PDSS2: variants seen among roughly 807,000 people sequenced by gnomAD.
PDSS2 encodes all trans-polyprenyl-diphosphate synthase PDSS2.
Under a neutral mutation model 44.5 loss-of-function variants are expected in PDSS2, and 31 were observed. The observed-to-expected ratio is 0.70, with a 90% confidence interval of 0.52 to 0.94. PDSS2 has a LOEUF of 0.94. PDSS2 is among the 40% of genes least tolerant of loss of function. The pLI, the probability that PDSS2 is intolerant of heterozygous loss-of-function variation, is 0.00. For missense variants in PDSS2, 452 were observed against 482.2 expected (o/e 0.94, Z 0.59); for synonymous variants, 157 against 180.3 (o/e 0.87, Z 1.03).
chr6:107,382,426 G>A (rs896395598), intron 1 of PDSS2, among the ~76,000 whole-genome samples: 2 of 152,058 alleles, frequency 1.3e-5, no homozygotes, highest in Non-Finnish European at 2.9e-5. Context: ...GTAAAAGCAG[G>A]AATCTTTTAC....
chr6:107,435,281 AACACACACAC>A (rs57353175), intron 1 of PDSS2, among the ~76,000 whole-genome samples: 23,837 of 133,620 alleles, frequency 0.18, 2,174 homozygotes, highest in East Asian at 0.27. Flanking sequence ...ACTGCCTCAA[AACACACACAC>A]ACACACACAC....
intron 7 of PDSS2, among the ~76,000 whole-genome samples, chr6:107,161,021 A>AT: frequency 6.6e-6 from 1 of 152,126 alleles, no homozygotes; most frequent in Admixed American, 6.6e-5. Context: ...TACAGGTGTG[A>AT]GCCACTGCGC....
chr6:107,157,165 T>C (rs967973370), intron 7 of PDSS2, among the ~76,000 whole-genome samples: 4 of 152,010 alleles, frequency 2.6e-5, no homozygotes, highest in African/African-American at 9.7e-5. Context: ...GCCTCACTTT[T>C]CCCCCCTTTT....
At chr6:107,386,149 C>T (rs930906887) in intron 1 of PDSS2, among the ~76,000 whole-genome samples, 1 of 151,964 alleles carries the variant, frequency 6.6e-6, no homozygotes, top group African/African-American at 2.4e-5. Flanking sequence ...TTTAAAGAAA[C>T]TAAGATTGTA....
At chr6:107,181,513 A>G (rs1272674727) in intron 7 of PDSS2, among the ~76,000 whole-genome samples, 1 of 146,300 alleles carries the variant, frequency 6.8e-6, no homozygotes, top group Non-Finnish European at 1.5e-5. Context: ...AGCCTTGGTG[A>G]CAAGAGTGAA....
rs549855600 is a variant in PDSS2 at position 107,211,591 on chromosome 6, G to A, written c.876+518C>T. Among the ~76,000 whole-genome samples, 12 of 152,030 alleles carry A rather than the reference G, an allele frequency of 7.9e-5. 1 individual carries two copies. The highest frequency in any genetic ancestry group is 3.9e-4 in the East Asian group (2 of 5,174). Reference sequence around the variant, plus strand: ...CTAAAAATACAAAAATTAGCCAGGCGTGGTGGCATGTGCCTGTAATCCCAG... The same window carrying A: ...CTAAAAATACAAAAATTAGCCAGGCATGGTGGCATGTGCCTGTAATCCCAG... On this transcript the variant is annotated intron_variant, in intron 5 of 7. Transcript: ENST00000369037.
At chr6:107,341,739 A>C (rs148609385) in intron 1 of PDSS2, among the ~76,000 whole-genome samples, 7 of 152,338 alleles carry the variant, frequency 4.6e-5, no homozygotes, top group African/African-American at 1.2e-4. Flanking sequence ...AACCAGGGCC[A>C]GTAGTTGTAA....
At chr6:107,159,564 G>A (rs1220741981) in intron 7 of PDSS2, among the ~76,000 whole-genome samples, 4 of 151,564 alleles carry the variant, frequency 2.6e-5, no homozygotes, top group African/African-American at 7.3e-5. Flanking sequence ...CTACAGGCAC[G>A]TGCCACCATG....
intron 3 of PDSS2, among the ~76,000 whole-genome samples, chr6:107,258,057 T>C (rs1437640166): frequency 6.6e-6 from 1 of 152,254 alleles, no homozygotes; most frequent in Non-Finnish European, 1.5e-5. Flanking sequence ...ATTATCACTT[T>C]GCTCAATCAA....
At chr6:107,393,626 A>G (rs1291647526) in intron 1 of PDSS2, among the ~76,000 whole-genome samples, 1 of 152,100 alleles carries the variant, frequency 6.6e-6, no homozygotes, top group Non-Finnish European at 1.5e-5. Flanking sequence ...ATAACTATGG[A>G]TTTGTCTATT....
rs147126157 is a variant in PDSS2 at position 107,236,771 on chromosome 6, T to C, written c.702+8777A>G. On this transcript the variant is annotated intron_variant, in intron 4 of 7. Coordinates refer to ENST00000369037, the MANE Select transcript of PDSS2 (RefSeq NM_020381.4). ...TCCATCTCAAATGTAACATTCTTTT[T>C]GATGCCTTTTCTGATTTCCCCAACT... Among the ~76,000 whole-genome samples, 589 of 152,302 alleles carry C rather than the reference T, an allele frequency of 3.9e-3. 2 individuals carry two copies. Among genetic ancestry groups the C allele is most frequent in the Non-Finnish European group, 5.6e-3 (382 of 68,018 alleles).
At chr6:107,401,469 C>T (rs1383446754) in intron 1 of PDSS2, among the ~76,000 whole-genome samples, 1 of 152,092 alleles carries the variant, frequency 6.6e-6, no homozygotes, top group Admixed American at 6.5e-5. Context: ...GCGACTGTTA[C>T]CCCAGATGTG....
chr6:107,444,179 C>T (rs1255489459), intron 1 of PDSS2, among the ~76,000 whole-genome samples: 1 of 152,114 alleles, frequency 6.6e-6, no homozygotes, highest in Non-Finnish European at 1.5e-5. Flanking sequence ...AGGCACACAC[C>T]ACCACACCCA....
intron 2 of PDSS2, among the ~76,000 whole-genome samples, chr6:107,278,212 T>C (rs754934657): frequency 3.3e-5 from 5 of 152,028 alleles, no homozygotes; most frequent in African/African-American, 4.8e-5. Flanking sequence ...GATTACAAAT[T>C]TGGGGAGTAG....
chr6:107,414,394 G>A lies in PDSS2; in HGVS notation c.296+44596C>T, dbSNP rs559694983. Among the ~76,000 whole-genome samples the A allele has an allele frequency of 2.6e-5, 4 of 152,322 alleles. No individual in the cohort carries two copies. In the South Asian group the frequency reaches 8.3e-4, roughly 32 times the overall value. ...AAGGAAATATCAGAAACCAGACTAG[G>A]AAGTAACAGCTAGAGAGCCAAGGGA... On this transcript the variant is annotated intron_variant, in intron 1 of 7. Coordinates refer to ENST00000369037, the MANE Select transcript of PDSS2 (RefSeq NM_020381.4).
intron 1 of PDSS2, among the ~76,000 whole-genome samples, chr6:107,388,735 G>A: frequency 6.6e-6 from 1 of 152,206 alleles, no homozygotes. Flanking sequence ...TGGGATTACA[G>A]GCGTGAGCCA....
Position 107,259,148 on chromosome 6 carries a change from C to G in PDSS2, c.631-13529G>C, listed in dbSNP as rs112733657. Among the ~76,000 whole-genome samples, 997 of 152,142 alleles carry G rather than the reference C, an allele frequency of 6.6e-3. 17 individuals are homozygous for G. Among genetic ancestry groups the G allele is most frequent in the African/African-American group, 0.023 (963 of 41,500 alleles). On this transcript the variant is annotated intron_variant, in intron 3 of 7. Transcript: ENST00000369037. ...CAGTGCCTACCGTATAGTAAGCCCT[C>G]AAAAATATAAATTGTTATTTCTAAA...
intron 4 of PDSS2, among the ~76,000 whole-genome samples, chr6:107,234,935 A>T (rs919598056): frequency 6.6e-6 from 1 of 152,202 alleles, no homozygotes; most frequent in Non-Finnish European, 1.5e-5. Context: ...GCCAAGATGG[A>T]GCAAAAGAGG....
At chr6:107,185,328 T>C (rs1490959749) in intron 7 of PDSS2, among the ~76,000 whole-genome samples, 1 of 152,142 alleles carries the variant, frequency 6.6e-6, no homozygotes, top group Non-Finnish European at 1.5e-5. Context: ...GGCTCTACAA[T>C]GCTGAACAGT....
Sources: allele counts gnomAD v4.1 joint callset (sites outside exome capture counted in the v4.1 genomes callset), GRCh38; gene constraint gnomAD v4.1.1; transcripts MANE v1.5; gene names NCBI Gene and HGNC (gene_info 2026-07-23, HGNC 2026-07-21).